Variants in UTRN observed in about 807,000 individuals in gnomAD.
UTRN encodes the protein utrophin.
UTRN carries 283 observed loss-of-function variants against 463.9 expected under a neutral mutation model. The observed-to-expected ratio is 0.61, with a 90% CI of 0.55 to 0.67. UTRN has a LOEUF of 0.67. UTRN is among the 30% of genes least tolerant of loss of function. The pLI is 0.00. For synonymous variants in UTRN, 1,442 were observed against 1,431.5 expected, an observed-to-expected ratio of 1.01 and a Z score of -0.17; for missense variants, 3,922 against 4,084.3, an observed-to-expected ratio of 0.96 and a Z score of 1.08.
chr6:144,457,658 A>G (rs75557236), intron 19 of UTRN, among the ~76,000 whole-genome samples: 50 of 152,312 alleles, frequency 3.3e-4, no homozygotes, highest in African/African-American at 1.2e-3. Flanking sequence ...AACTTCTGCA[A>G]TTGACATAGG....
At chr6:144,665,945 A>G (rs1220289655) in intron 51 of UTRN, among the ~76,000 whole-genome samples, 1 of 152,162 alleles carries the variant, frequency 6.6e-6, no homozygotes, top group Non-Finnish European at 1.5e-5. Context: ...CTCTGTGCAC[A>G]TGACTGGCTT....
At chr6:144,536,275 A>G (rs1797524208) in intron 43 of UTRN, among the ~76,000 whole-genome samples, 1 of 152,196 alleles carries the variant, frequency 6.6e-6, no homozygotes, top group Non-Finnish European at 1.5e-5. Context: ...TGAAAGTACT[A>G]AATTAGTCAT....
chr6:144,732,245 T>TACAC (rs1199410211), intron 54 of UTRN, among the ~76,000 whole-genome samples: 2,288 of 108,298 alleles, frequency 0.021, 44 homozygotes, highest in South Asian at 0.05. Flanking sequence ...TATACATATA[T>TACAC]ATATATATAT....
chr6:144,531,511 G>T (rs1432889631), intron 42 of UTRN, among the ~76,000 whole-genome samples: 5 of 152,042 alleles, frequency 3.3e-5, no homozygotes, highest in Non-Finnish European at 7.4e-5. Flanking sequence ...ACTATACCAA[G>T]AACAGAAAAA....
chr6:144,766,726 T>C (rs1453591452), intron 58 of UTRN, among the ~76,000 whole-genome samples: 1 of 151,948 alleles, frequency 6.6e-6, no homozygotes, highest in Non-Finnish European at 1.5e-5. Context: ...CATTGGTGAA[T>C]TTTGCCTGTG....
intron 51 of UTRN, among the ~76,000 whole-genome samples, chr6:144,591,588 C>T (rs1473594961): frequency 6.6e-6 from 1 of 151,998 alleles, no homozygotes. Flanking sequence ...GGAAAGAAGT[C>T]GTCTTTACTG....
At chr6:144,732,595 C>T (rs1788820378) in intron 54 of UTRN, among the ~76,000 whole-genome samples, 1 of 151,484 alleles carries the variant, frequency 6.6e-6, no homozygotes, top group East Asian at 1.9e-4. Context: ...CTTGACTTTC[C>T]ATTGCATACT....
chr6:144,452,672 G>T (rs957739182), intron 18 of UTRN, among the ~76,000 whole-genome samples: 4 of 151,872 alleles, frequency 2.6e-5, no homozygotes, highest in African/African-American at 9.7e-5. Context: ...GGTTGGGCTT[G>T]CCATGGCTCA....
At chr6:144,806,778 T>C in intron 65 of UTRN, among the ~76,000 whole-genome samples, 1 of 119,906 alleles carries the variant, frequency 8.3e-6, no homozygotes, top group East Asian at 2.7e-4. Context: ...CTAAACCAGG[T>C]ATCAAGTCTG....
chr6:144,540,917 C>T (rs1585186149), intron 45 of UTRN, among the ~76,000 whole-genome samples: 2 of 152,152 alleles, frequency 1.3e-5, no homozygotes, highest in African/African-American at 2.4e-5. Flanking sequence ...ATAGATATTT[C>T]CTCTACAATT....
At chr6:144,733,754 G>A (rs1206217591) in intron 54 of UTRN, among the ~76,000 whole-genome samples, 4 of 152,128 alleles carry the variant, frequency 2.6e-5, no homozygotes, top group Admixed American at 6.5e-5. Flanking sequence ...CCTTAGAGAT[G>A]AACTAGTCCA....
chr6:144,317,280 C>A (rs772029544), intron 2 of UTRN, among the ~76,000 whole-genome samples: 3 of 151,978 alleles, frequency 2.0e-5, no homozygotes, highest in Non-Finnish European at 4.4e-5. Context: ...TTGTGGCATC[C>A]CATATTGTAA....
intron 25 of UTRN, among the ~76,000 whole-genome samples, chr6:144,477,037 A>G (rs972129789): frequency 1.1e-4 from 17 of 152,192 alleles, no homozygotes; most frequent in African/African-American, 4.1e-4. Context: ...TTGAGATAGG[A>G]GAATTTATCA....
intron 51 of UTRN, among the ~76,000 whole-genome samples, chr6:144,639,563 C>A (rs1005977508): frequency 2.0e-5 from 3 of 152,138 alleles, no homozygotes; most frequent in African/African-American, 7.2e-5. Flanking sequence ...TAGTATATTC[C>A]CTTGTTTGTT....
At chr6:144,576,889 TC>T (rs750821537) in intron 50 of UTRN, among the ~76,000 whole-genome samples, 87 of 152,300 alleles carry the variant, frequency 5.7e-4, no homozygotes, top group Admixed American at 1.2e-3. Flanking sequence ...TTTATGGCTC[TC>T]CCCCTTTCAC....
intron 53 of UTRN, among the ~76,000 whole-genome samples, chr6:144,703,226 G>T (rs1784764483): frequency 6.6e-6 from 1 of 152,172 alleles, no homozygotes; most frequent in Non-Finnish European, 1.5e-5. Flanking sequence ...AATAGAAAAT[G>T]GAAGTACCTT....
Position 144,304,746 on chromosome 6 carries a change from A to T in UTRN, c.79+12839A>T, listed in dbSNP as rs148444395. Among the ~76,000 whole-genome samples, 199 of 152,338 alleles carry T rather than the reference A, an allele frequency of 1.3e-3. 1 individual carries two copies. Among genetic ancestry groups the T allele is most frequent in the African/African-American group, 4.6e-3 (193 of 41,576 alleles). ...GAGAAGAGTGTTATAAGCCATCTTT[A>T]GGAGTTTGAGTTGTATCCTAAGCAT... On this transcript the variant is annotated intron_variant, in intron 2 of 74. Transcript: ENST00000367545.
intron 2 of UTRN, among the ~76,000 whole-genome samples, chr6:144,305,299 A>C (rs1805623865): frequency 6.6e-6 from 1 of 152,250 alleles, no homozygotes; most frequent in East Asian, 1.9e-4. Context: ...ATACCTGCAG[A>C]AATTGCCCTG....
chr6:144,508,527 C>G (rs1389546516), intron 34 of UTRN, among the ~76,000 whole-genome samples: 2 of 152,312 alleles, frequency 1.3e-5, no homozygotes, highest in African/African-American at 2.4e-5. Flanking sequence ...CTTGCGCTTC[C>G]CTGGTGAAGC....
Sources: allele counts gnomAD v4.1 joint callset (sites outside exome capture counted in the v4.1 genomes callset), GRCh38; gene constraint gnomAD v4.1.1; transcripts MANE v1.5; gene names NCBI Gene and HGNC (gene_info 2026-07-23, HGNC 2026-07-21).